Variants in ANGPT1 observed in about 807,000 individuals in gnomAD.
The protein encoded by ANGPT1 is angiopoietin 1, also known as angiopoietin-1.
A neutral mutation model predicts 62.2 loss-of-function variants in ANGPT1; 17 were observed. The observed-to-expected ratio is 0.27, with a 90% CI of 0.19 to 0.41. The LOEUF (loss-of-function observed/expected upper bound fraction) is 0.41. Among genes scored for constraint, ANGPT1 ranks in the 10% least tolerant of loss-of-function variants. ANGPT1 has a pLI of 1.00. For missense variants in ANGPT1, 478 were observed against 594.9 expected (o/e 0.80, Z 2.04); for synonymous variants, 199 against 198.9 (o/e 1.00, Z 0.00).
At chr8:107,441,503 T>G (rs1811474533) in intron 1 of ANGPT1, among the ~76,000 whole-genome samples, 1 of 152,180 alleles carries the variant, frequency 6.6e-6, no homozygotes, top group Admixed American at 6.5e-5. Context: ...CACTTAGGAC[T>G]TTCTATAATG....
At chr8:107,310,909 ATGTG>A (rs977839510) in intron 4 of ANGPT1, among the ~76,000 whole-genome samples, 2 of 151,158 alleles carry the variant, frequency 1.3e-5, no homozygotes, top group African/African-American at 4.9e-5. Flanking sequence ...GAGTGGGAAT[ATGTG>A]TGTGTGTGTA....
intron 1 of ANGPT1, among the ~76,000 whole-genome samples, chr8:107,475,199 A>C (rs1053795600): frequency 4.0e-5 from 6 of 151,376 alleles, no homozygotes; most frequent in Non-Finnish European, 5.9e-5. Context: ...ACAAGGCTAC[A>C]GTAACCAAAA....
At chr8:107,264,872 T>C (rs2130039611) in intron 7 of ANGPT1, among the ~76,000 whole-genome samples, 1 of 152,298 alleles carries the variant, frequency 6.6e-6, no homozygotes, top group African/African-American at 2.4e-5. Context: ...TACTAAGGTT[T>C]AGGGAAGCTA....
intron 8 of ANGPT1, among the ~76,000 whole-genome samples, chr8:107,262,479 A>C (rs1348637613): frequency 2.0e-5 from 3 of 152,166 alleles, no homozygotes; most frequent in Admixed American, 2.0e-4. Context: ...CATTTTCCTC[A>C]TGTACAACAT....
chr8:107,451,235 T>A (rs1186027171), intron 1 of ANGPT1, among the ~76,000 whole-genome samples: 1 of 151,658 alleles, frequency 6.6e-6, no homozygotes, highest in East Asian at 1.9e-4. Context: ...GCATATAAAG[T>A]ACAGATTCAG....
chr8:107,286,923 T>A (rs1586189266), intron 6 of ANGPT1, among the ~76,000 whole-genome samples: 1 of 152,132 alleles, frequency 6.6e-6, no homozygotes, highest in East Asian at 1.9e-4. Context: ...GCTTACCTTC[T>A]CCAAAGCATA....
chr8:107,427,262 G>C (rs570981067), intron 1 of ANGPT1, among the ~76,000 whole-genome samples: 1 of 152,060 alleles, frequency 6.6e-6, no homozygotes, highest in African/African-American at 2.4e-5. Flanking sequence ...GGCTGCCTAG[G>C]GGCCAGGGCT....
At chr8:107,398,020 T>C (rs984685323) in intron 1 of ANGPT1, among the ~76,000 whole-genome samples, 1 of 152,212 alleles carries the variant, frequency 6.6e-6, no homozygotes, top group Non-Finnish European at 1.5e-5. Context: ...TGTATCATGA[T>C]GCAGACAGAT....
chr8:107,280,213 T>A (rs778369608), intron 7 of ANGPT1, among the ~76,000 whole-genome samples: 2 of 152,084 alleles, frequency 1.3e-5, no homozygotes, highest in South Asian at 2.1e-4. Context: ...TTTATTTTTT[T>A]TTTTGAGATG....
chr8:107,336,528 G>A (rs545836720), intron 2 of ANGPT1: 48 of 315,344 alleles, frequency 1.5e-4, no homozygotes, highest in Admixed American at 5.4e-4. Context: ...AGCCGGGCGT[G>A]GTAGCGGGCG....
intron 1 of ANGPT1, among the ~76,000 whole-genome samples, chr8:107,407,791 T>C (rs1022567425): frequency 6.6e-6 from 1 of 152,106 alleles, no homozygotes; most frequent in African/African-American, 2.4e-5. Flanking sequence ...GCGGTGTGTA[T>C]GCAGGGTCAA....
At chr8:107,280,636 C>T (rs371983623) in intron 7 of ANGPT1, among the ~76,000 whole-genome samples, 29 of 152,180 alleles carry the variant, frequency 1.9e-4, no homozygotes, top group Non-Finnish European at 2.9e-4. Flanking sequence ...TTAGGGCAAT[C>T]GCAAATAGTT....
intron 1 of ANGPT1, among the ~76,000 whole-genome samples, chr8:107,351,318 A>G (rs1035340905): frequency 3.3e-5 from 5 of 152,146 alleles, no homozygotes; most frequent in Non-Finnish European, 7.4e-5. Flanking sequence ...CTTCATCCTT[A>G]TACCAAACTT....
intron 1 of ANGPT1, among the ~76,000 whole-genome samples, chr8:107,373,643 A>T (rs928423004): frequency 6.6e-6 from 1 of 152,146 alleles, no homozygotes; most frequent in South Asian, 2.1e-4. Context: ...ACGATGATGG[A>T]AGTTTTTCTT....
intron 1 of ANGPT1, among the ~76,000 whole-genome samples, chr8:107,463,974 G>C (rs1812136435): frequency 6.6e-6 from 1 of 152,080 alleles, no homozygotes; most frequent in Non-Finnish European, 1.5e-5. Flanking sequence ...GAAATATAGG[G>C]AGACATTTTT....
chr8:107,344,384 G>A (rs1451609935), intron 2 of ANGPT1, among the ~76,000 whole-genome samples: 4 of 152,144 alleles, frequency 2.6e-5, no homozygotes, highest in Non-Finnish European at 5.9e-5. Context: ...ATAACAGAGT[G>A]AGAAAAACAC....
At chr8:107,418,814 T>A (rs1194897513) in intron 1 of ANGPT1, among the ~76,000 whole-genome samples, 2 of 152,188 alleles carry the variant, frequency 1.3e-5, no homozygotes, top group African/African-American at 4.8e-5. Context: ...GGGCTCCAGC[T>A]CTTCCTTCAA....
chr8:107,497,743 A>T lies in ANGPT1; in HGVS notation c.-185T>A, dbSNP rs1554600535. 2 of 649,436 alleles carry T rather than the reference A, an allele frequency of 3.1e-6. No individual in the cohort carries two copies. The highest frequency in any genetic ancestry group is 5.1e-6 in the Non-Finnish European group (2 of 393,090). 40.2% of individuals were successfully genotyped at this position (649,436 alleles called of 1,614,324 possible). A position where few individuals can be genotyped will look rare whatever the true frequency, so the allele number is the denominator to read the frequency against. On this transcript the variant is annotated 5_prime_UTR_variant, in exon 1 of 9. Transcript: ENST00000517746. ...GTTAGCTTTGTTCTAAAATTTTAAA[A>T]TTTTTTATTTCACTGCAATGATGTT...
At chr8:107,361,829 C>A (rs1300611381) in intron 1 of ANGPT1, among the ~76,000 whole-genome samples, 4 of 151,958 alleles carry the variant, frequency 2.6e-5, no homozygotes, top group African/African-American at 9.7e-5. Context: ...AAGGCCAAGA[C>A]AGGCAGATCA....
Sources: allele counts gnomAD v4.1 joint callset (sites outside exome capture counted in the v4.1 genomes callset), GRCh38; gene constraint gnomAD v4.1.1; transcripts MANE v1.5; gene names NCBI Gene and HGNC (gene_info 2026-07-23, HGNC 2026-07-21).